The following CDH18 variants were observed in gnomAD, a reference collection of about 807,000 sequenced individuals.
CDH18 encodes cadherin-18.
Under a neutral mutation model 67.9 loss-of-function variants are expected in CDH18, and 31 were observed. The ratio of observed to expected loss-of-function variants is 0.46; its 90% CI spans 0.34 to 0.62. The LOEUF is 0.62. Among genes scored for constraint, CDH18 ranks in the 20% least tolerant of loss-of-function variants. The pLI is 0.01. For missense variants in CDH18, 890 were observed against 975.5 expected, an observed-to-expected ratio of 0.91 and a Z score of 1.17; for synonymous variants, 362 against 347.2, an observed-to-expected ratio of 1.04 and a Z score of -0.48.
chr5:20,539,479 T>A (rs1756925935), intron 1 of CDH18, among the ~76,000 whole-genome samples: 1 of 151,972 alleles, frequency 6.6e-6, no homozygotes, highest in African/African-American at 2.4e-5. Flanking sequence ...ATGATGAAAC[T>A]AGAAATCAGA....
intron 5 of CDH18, among the ~76,000 whole-genome samples, chr5:19,703,469 A>C (rs1456235243): frequency 6.6e-6 from 1 of 152,162 alleles, no homozygotes; most frequent in Non-Finnish European, 1.5e-5. Flanking sequence ...AGCTAAAGCT[A>C]AAGCGGCAAA....
intron 2 of CDH18, among the ~76,000 whole-genome samples, chr5:19,970,292 C>T (rs59821454): frequency 0.12 from 18,754 of 151,154 alleles, 3,327 homozygotes; most frequent in African/African-American, 0.4. Context: ...TAAGTATTTT[C>T]CCTAAAAATT....
chr5:19,603,201 A>C (rs1038052148), intron 6 of CDH18, among the ~76,000 whole-genome samples: 1 of 152,168 alleles, frequency 6.6e-6, no homozygotes, highest in Non-Finnish European at 1.5e-5. Context: ...TTAAAATTTG[A>C]TACATCTTAC....
At chr5:19,743,836 G>A (rs1769570059) in intron 4 of CDH18, among the ~76,000 whole-genome samples, 1 of 144,278 alleles carries the variant, frequency 6.9e-6, no homozygotes, top group Non-Finnish European at 1.5e-5. Context: ...CATGAGAATT[G>A]CTTGAACCTG....
At chr5:20,253,482 A>AT (rs1744012795) in intron 2 of CDH18, among the ~76,000 whole-genome samples, 3 of 152,202 alleles carry the variant, frequency 2.0e-5, no homozygotes, top group Admixed American at 2.0e-4. Flanking sequence ...TCAGGAAAAC[A>AT]TTCAAACCCC....
chr5:20,363,452 G>A (rs1742255802), intron 1 of CDH18, among the ~76,000 whole-genome samples: 2 of 131,740 alleles, frequency 1.5e-5, no homozygotes, highest in African/African-American at 6.0e-5. Context: ...ACCCAGCCTG[G>A]GCAACACAGA....
At chr5:20,392,712 G>T (rs1482053846) in intron 1 of CDH18, among the ~76,000 whole-genome samples, 1 of 151,778 alleles carries the variant, frequency 6.6e-6, no homozygotes, top group African/African-American at 2.4e-5. Context: ...TTTCTTTTTA[G>T]AGAAAAATAC....
intron 3 of CDH18, among the ~76,000 whole-genome samples, chr5:19,797,016 A>T (rs748779196): frequency 6.6e-6 from 1 of 151,992 alleles, no homozygotes; most frequent in Non-Finnish European, 1.5e-5. Flanking sequence ...CAAATGTAAG[A>T]TATATAATAA....
intron 2 of CDH18, chr5:19,847,940 C>T (rs1783190898): frequency 6.6e-6 from 1 of 152,226 alleles, no homozygotes; most frequent in South Asian, 2.1e-4. Flanking sequence ...CTTTTGTTCT[C>T]ATTGGCTCCC....
At chr5:19,961,579 G>A (rs190477771) in intron 2 of CDH18, among the ~76,000 whole-genome samples, 2 of 152,076 alleles carry the variant, frequency 1.3e-5, no homozygotes, top group Admixed American at 1.3e-4. Flanking sequence ...CACCAGCACT[G>A]GATTTTGTTT....
At chr5:20,144,815 T>G (rs1750515282) in intron 2 of CDH18, among the ~76,000 whole-genome samples, 1 of 152,080 alleles carries the variant, frequency 6.6e-6, no homozygotes. Context: ...TAGCATAGAC[T>G]CCAAACCAAG....
intron 11 of CDH18, among the ~76,000 whole-genome samples, chr5:19,501,225 A>C (rs1743182634): frequency 6.8e-6 from 1 of 148,090 alleles, no homozygotes; most frequent in Admixed American, 6.8e-5. Context: ...AATTACATAT[A>C]TAATTACAAT....
intron 5 of CDH18, among the ~76,000 whole-genome samples, chr5:19,612,930 G>A (rs1749229299): frequency 6.6e-6 from 1 of 151,954 alleles, no homozygotes; most frequent in Non-Finnish European, 1.5e-5. Context: ...CACAAGGTCA[G>A]GAGTTTGAGA....
At chr5:19,831,023 T>C (rs1780968936) in intron 3 of CDH18, among the ~76,000 whole-genome samples, 1 of 152,082 alleles carries the variant, frequency 6.6e-6, no homozygotes. Flanking sequence ...CAACAGATAC[T>C]GGAGTCTTTG....
At chr5:20,158,630 G>T in intron 2 of CDH18, 1 of 162,076 alleles carries the variant, frequency 6.2e-6, no homozygotes. Context: ...CTAATTTTTA[G>T]AAATATTGTA....
intron 2 of CDH18, among the ~76,000 whole-genome samples, chr5:19,853,272 C>T (rs775282405): frequency 2.6e-5 from 4 of 152,060 alleles, no homozygotes; most frequent in Non-Finnish European, 4.4e-5. Context: ...AATGTATGTT[C>T]TCGGGCAGAG....
chr5:20,149,712 G>A (rs946370791), intron 2 of CDH18, among the ~76,000 whole-genome samples: 5 of 152,088 alleles, frequency 3.3e-5, no homozygotes, highest in Non-Finnish European at 7.4e-5. Flanking sequence ...AAATTTGAAG[G>A]CTTAATCTTT....
At chr5:19,520,813 A>G in intron 9 of CDH18, 35 bp from the exon 10 acceptor site, 1 of 1,609,354 alleles carries the variant, frequency 6.2e-7, no homozygotes, top group Non-Finnish European at 8.5e-7. Flanking sequence ...TAGTATTTCC[A>G]TGCACACTTT....
chr5:20,329,902 C>T (rs1739003994), intron 1 of CDH18, among the ~76,000 whole-genome samples: 1 of 150,596 alleles, frequency 6.6e-6, no homozygotes, highest in East Asian at 2.0e-4. Flanking sequence ...GCCATTGAAA[C>T]CTAATCTAGA....
Sources: gnomAD v4.1 joint callset for allele counts (sites outside exome capture counted in the v4.1 genomes callset) on GRCh38, gnomAD v4.1.1 for gene constraint, MANE v1.5 for transcripts, NCBI Gene and HGNC (gene_info 2026-07-23, HGNC 2026-07-21) for gene names.